The following CPNE5 variants were observed in gnomAD, a reference collection of about 807,000 sequenced individuals.
The protein encoded by CPNE5 is copine-5.
Under a neutral mutation model 81.1 loss-of-function variants are expected in CPNE5, and 42 were observed. That is an observed-to-expected ratio of 0.52 (90% CI 0.40 to 0.67). The LOEUF (loss-of-function observed/expected upper bound fraction) is 0.67. Among genes scored for constraint, CPNE5 ranks in the 30% least tolerant of loss-of-function variants. CPNE5 has a pLI of 0.00. For missense variants in CPNE5, 612 were observed against 815.5 expected (o/e 0.75, Z 3.04); for synonymous variants, 313 against 321.5 (o/e 0.97, Z 0.28).
chr6:36,790,625 C>T (rs1429596064), intron 8 of CPNE5, among the ~76,000 whole-genome samples: 6 of 152,180 alleles, frequency 3.9e-5, no homozygotes, highest in African/African-American at 1.4e-4. Flanking sequence ...GAGATGGAGT[C>T]TCGCTCTGTC....
chr6:36,746,550 T>G lies in CPNE5; in HGVS notation c.1046A>C (p.His349Pro). The stretch of plus-strand genomic sequence containing the variant: ...GTTCAGCTGGTAGGGGCTCATGTAG[T>G]GCAGGGATGTGGACTGTGAGGGGTT... ...NGNPSQSTSL[H>P]YMSPYQLNAY... is the part of the protein sequence containing the mutation. The change falls in exon 16 of 21, where the codon CAC becomes CCC. Residue 349 changes from histidine to proline, a missense_variant. Coordinates refer to ENST00000244751, the MANE Select transcript of CPNE5 (RefSeq NM_020939.2). This position sits in a 1 kb window ranked among gnomAD's most constrained non-coding sequence, Gnocchi z 4.5. 2 of 1,613,386 alleles carry G rather than the reference T, an allele frequency of 1.2e-6. No homozygotes were observed. The highest frequency in any genetic ancestry group is 1.7e-6 in the Non-Finnish European group (2 of 1,179,588).
intron 10 of CPNE5, among the ~76,000 whole-genome samples, chr6:36,768,522 G>C (rs763978479): frequency 1.3e-5 from 2 of 152,078 alleles, no homozygotes; most frequent in East Asian, 3.9e-4. Context: ...GTGAACCAGC[G>C]TGCCCAGCCA....
At chr6:36,757,857 TA>T (rs1441273947) in intron 12 of CPNE5, among the ~76,000 whole-genome samples, 1 of 152,014 alleles carries the variant, frequency 6.6e-6, no homozygotes, top group Non-Finnish European at 1.5e-5. Context: ...GAGAAATGAA[TA>T]GAACCCAGGC....
intron 3 of CPNE5, among the ~76,000 whole-genome samples, chr6:36,802,720 A>G (rs917969224): frequency 6.6e-6 from 1 of 152,086 alleles, no homozygotes; most frequent in African/African-American, 2.4e-5. Flanking sequence ...CCTGGGGCTT[A>G]CCCTGAGTGT....
intron 6 of CPNE5, among the ~76,000 whole-genome samples, chr6:36,795,427 C>T (rs1398078309): frequency 6.6e-6 from 1 of 152,178 alleles, no homozygotes; most frequent in Non-Finnish European, 1.5e-5. Context: ...GATCTGCCCA[C>T]CTTGGCCTCC....
At chr6:36,777,756 C>G (rs1383342118) in intron 9 of CPNE5, among the ~76,000 whole-genome samples, 1 of 50,680 alleles carries the variant, frequency 2.0e-5, no homozygotes, top group Non-Finnish European at 3.7e-5. Context: ...CCTGCCTACC[C>G]CCCCCCCCAC....
At chr6:36,824,818 C>T (rs1020206274) in intron 1 of CPNE5, among the ~76,000 whole-genome samples, 10 of 152,124 alleles carry the variant, frequency 6.6e-5, no homozygotes, top group Admixed American at 1.3e-4. Flanking sequence ...TGGTGGTATG[C>T]GCCTGTAATC....
At chr6:36,743,650 C>A in intron 20 of CPNE5, 39 bp downstream of exon 20, 4 of 1,597,290 alleles carry the variant, frequency 2.5e-6, no homozygotes, top group Non-Finnish European at 3.4e-6. Context: ...TAGAGGGGCT[C>A]TTGAATTTCC....
chr6:36,797,720 C>T (rs1769719030), intron 6 of CPNE5, among the ~76,000 whole-genome samples: 1 of 152,190 alleles, frequency 6.6e-6, no homozygotes, highest in Non-Finnish European at 1.5e-5. Context: ...ACGGGAGGAG[C>T]CTCACTGTAC....
chr6:36,819,467 T>G (rs1437928820), intron 3 of CPNE5, among the ~76,000 whole-genome samples: 1 of 152,146 alleles, frequency 6.6e-6, no homozygotes, highest in African/African-American at 2.4e-5. Flanking sequence ...GTTTCATGAA[T>G]AAAATTCACC....
intron 14 of CPNE5, among the ~76,000 whole-genome samples, chr6:36,751,037 G>A (rs1764761450): frequency 6.6e-6 from 1 of 152,222 alleles, no homozygotes; most frequent in African/African-American, 2.4e-5. Context: ...CTTCCTCCTG[G>A]GTCCAGGTGG....
At chr6:36,752,974 G>A (rs1349967278) in intron 14 of CPNE5, 60 bp downstream of exon 14, 15 of 1,388,836 alleles carry the variant, frequency 1.1e-5, no homozygotes, top group East Asian at 4.6e-5. Context: ...CGGTCCTGTC[G>A]GTGTGTGGGG....
chr6:36,827,310 G>A, intron 1 of CPNE5: 1 of 985,166 alleles, frequency 1.0e-6, no homozygotes, highest in East Asian at 1.1e-4. Context: ...AACCCTCAGA[G>A]CCTGCTAAAC....
intron 1 of CPNE5, among the ~76,000 whole-genome samples, chr6:36,838,190 C>G (rs1011570743): frequency 6.6e-6 from 1 of 152,206 alleles, no homozygotes. Flanking sequence ...CTTTGTAATA[C>G]AGGACTGGGG....
chr6:36,751,893 GT>G (rs1258425316), intron 14 of CPNE5, among the ~76,000 whole-genome samples: 2 of 152,186 alleles, frequency 1.3e-5, no homozygotes, highest in East Asian at 3.8e-4. Context: ...ACTGTAAGGG[GT>G]GGCTGATTAA....
At position 36,742,360 on chromosome 6, in the gene CPNE5, G is replaced by A. The variant is rs746485663; in HGVS notation, c.1690C>T (p.Arg564Cys). 11 of 1,613,302 alleles carry A rather than the reference G, an allele frequency of 6.8e-6. No homozygotes were observed. The highest frequency in any genetic ancestry group is 4.0e-5 in the African/African-American group (3 of 74,938). ...GGTGCTGCGGGTGGGGGACGCGGGCGAATGCCCTGTGCCTTCATGTAGGAC... is the reference window on the plus strand; with the variant it reads ...GGTGCTGCGGGTGGGGGACGCGGGCAAATGCCCTGTGCCTTCATGTAGGAC... ...LVSYMKAQGI[R>C]PRPPPAAPTH... Residue 564 changes from arginine to cysteine, a missense_variant, in exon 21 of 21, where the codon CGC becomes TGC. Physicochemically the swap from Arg to Cys is radical, Grantham distance 180. Transcript: ENST00000244751.
intron 12 of CPNE5, among the ~76,000 whole-genome samples, chr6:36,760,898 C>G (rs1427506988): frequency 3.9e-5 from 6 of 152,186 alleles, no homozygotes; most frequent in Non-Finnish European, 8.8e-5. Flanking sequence ...CTTCCTGCCC[C>G]AAACCAGCCT....
At chr6:36,768,225 C>CTGTTTTTTTTTTT (rs1766736142) in intron 10 of CPNE5, among the ~76,000 whole-genome samples, 1 of 60,496 alleles carries the variant, frequency 1.7e-5, no homozygotes, top group Non-Finnish European at 3.0e-5. Context: ...ATTCACAGTT[C>CTGTTTTTTTTTTT]TTTTTTTTTT....
intron 8 of CPNE5, among the ~76,000 whole-genome samples, chr6:36,789,536 C>T (rs914307567): frequency 6.6e-6 from 1 of 152,196 alleles, no homozygotes; most frequent in Non-Finnish European, 1.5e-5. Context: ...GCACCCTTTC[C>T]TAGGCATCTG....
Sources: gnomAD v4.1 joint callset for allele counts (sites outside exome capture counted in the v4.1 genomes callset) on GRCh38, gnomAD v4.1.1 for gene constraint, Gnocchi (gnomAD v3.1) non-coding constraint, MANE v1.5 for transcripts, NCBI Gene and HGNC (gene_info 2026-07-23, HGNC 2026-07-21) for gene names.